Variants in CDH12 observed in about 807,000 individuals in gnomAD.
CDH12 encodes the protein cadherin 12, also known as cadherin-12.
CDH12 carries 41 observed loss-of-function variants against 74.1 expected under a neutral mutation model. That is an observed-to-expected ratio of 0.55 (90% CI 0.43 to 0.72). The LOEUF (loss-of-function observed/expected upper bound fraction) is 0.72. CDH12 is among the 30% of genes least tolerant of loss of function. CDH12 has a pLI of 0.00. For missense variants in CDH12, 945 were observed against 977.2 expected (o/e 0.97, Z 0.44); for synonymous variants, 399 against 355.0 (o/e 1.12, Z -1.39).
chr5:22,145,351 G>A (rs1440554950), intron 4 of CDH12, among the ~76,000 whole-genome samples: 1 of 151,994 alleles, frequency 6.6e-6, no homozygotes, highest in African/African-American at 2.4e-5. Context: ...TTTTTATGAG[G>A]CCTTTGTTCT....
chr5:21,869,617 A>G (rs930212492), intron 6 of CDH12, among the ~76,000 whole-genome samples: 1 of 151,950 alleles, frequency 6.6e-6, no homozygotes, highest in Non-Finnish European at 1.5e-5. Flanking sequence ...TTTATATCAT[A>G]GCATTTAAGT....
At chr5:21,765,483 A>G (rs1302819569) in intron 11 of CDH12, among the ~76,000 whole-genome samples, 3 of 151,860 alleles carry the variant, frequency 2.0e-5, no homozygotes, top group African/African-American at 7.3e-5. Context: ...TACATATTTA[A>G]ATGACTCACT....
chr5:22,716,927 A>AT (rs1310862512), intron 1 of CDH12, among the ~76,000 whole-genome samples: 1 of 152,204 alleles, frequency 6.6e-6, no homozygotes, highest in Non-Finnish European at 1.5e-5. Context: ...TAATAAGGAT[A>AT]TAAAGGATAT....
intron 3 of CDH12, among the ~76,000 whole-genome samples, chr5:22,381,055 G>A (rs993122180): frequency 5.9e-5 from 9 of 152,028 alleles, no homozygotes; most frequent in African/African-American, 1.4e-4. Context: ...AACAAATTAC[G>A]ACAATGTTTG....
intron 3 of CDH12, among the ~76,000 whole-genome samples, chr5:22,214,572 T>C (rs957551723): frequency 1.3e-5 from 2 of 152,212 alleles, no homozygotes; most frequent in Non-Finnish European, 2.9e-5. Context: ...TAATGTGTAG[T>C]TGGTCATGCA....
At chr5:22,557,856 T>TA (rs1476548934) in intron 1 of CDH12, among the ~76,000 whole-genome samples, 1 of 152,124 alleles carries the variant, frequency 6.6e-6, no homozygotes, top group Non-Finnish European at 1.5e-5. Flanking sequence ...TCAGGAAACA[T>TA]AGACTTACTT....
At chr5:22,675,150 C>A (rs1304659866) in intron 1 of CDH12, among the ~76,000 whole-genome samples, 1 of 152,088 alleles carries the variant, frequency 6.6e-6, no homozygotes, top group Non-Finnish European at 1.5e-5. Flanking sequence ...GTCACAGGCC[C>A]AGAAGTTTAG....
At chr5:22,537,529 C>G (rs569275060) in intron 1 of CDH12, among the ~76,000 whole-genome samples, 23 of 152,226 alleles carry the variant, frequency 1.5e-4, no homozygotes, top group African/African-American at 5.5e-4. Context: ...CATCTCCAAC[C>G]AGAAACATTC....
chr5:22,293,054 C>A (rs1441570187), intron 3 of CDH12, among the ~76,000 whole-genome samples: 1 of 152,012 alleles, frequency 6.6e-6, no homozygotes, highest in Non-Finnish European at 1.5e-5. Context: ...CACATCCATT[C>A]CCAATCTGTA....
intron 4 of CDH12, among the ~76,000 whole-genome samples, chr5:22,117,479 T>C (rs9717105): frequency 3.6e-5 from 2 of 55,056 alleles, no homozygotes; most frequent in East Asian, 1.3e-3. Flanking sequence ...ATATATATAT[T>C]ATATATATAT....
intron 1 of CDH12, among the ~76,000 whole-genome samples, chr5:22,818,467 A>G (rs2126467732): frequency 6.6e-6 from 1 of 152,056 alleles, no homozygotes; most frequent in East Asian, 1.9e-4. Flanking sequence ...CAGTGTGCTT[A>G]TTTTCCCTAG....
intron 4 of CDH12, among the ~76,000 whole-genome samples, chr5:22,099,086 A>G (rs148510188): frequency 0.015 from 2,257 of 152,226 alleles, 51 homozygotes; most frequent in African/African-American, 0.051. Context: ...AACATGCCCC[A>G]AGTCAGAAAA....
intron 3 of CDH12, among the ~76,000 whole-genome samples, chr5:22,261,437 A>G (rs1753507868): frequency 6.6e-6 from 1 of 152,006 alleles, no homozygotes; most frequent in Admixed American, 6.6e-5. Context: ...TTCCTTAACA[A>G]AAGCATGACC....
intron 6 of CDH12, among the ~76,000 whole-genome samples, chr5:21,859,474 C>T (rs1334495480): frequency 6.6e-6 from 1 of 151,924 alleles, no homozygotes; most frequent in Non-Finnish European, 1.5e-5. Flanking sequence ...AATCAGTTCT[C>T]CAGAAGGCTG....
intron 1 of CDH12, among the ~76,000 whole-genome samples, chr5:22,599,877 T>C (rs1241812597): frequency 6.6e-6 from 1 of 152,200 alleles, no homozygotes; most frequent in African/African-American, 2.4e-5. Flanking sequence ...CATCCTTTGC[T>C]CAAAGAAGAA....
intron 3 of CDH12, among the ~76,000 whole-genome samples, chr5:22,347,340 C>T (rs529130966): frequency 3.3e-5 from 5 of 152,152 alleles, no homozygotes; most frequent in Admixed American, 6.6e-5. Context: ...CTGGCTAAGT[C>T]TCTGGCTTTC....
intron 1 of CDH12, among the ~76,000 whole-genome samples, chr5:22,809,246 C>T (rs1302404336): frequency 2.0e-5 from 3 of 151,878 alleles, no homozygotes; most frequent in Non-Finnish European, 4.4e-5. Context: ...TTGTCAGTTG[C>T]TATTTTGAGA....
At chr5:21,837,468 G>GTT (rs11321099) in intron 8 of CDH12, among the ~76,000 whole-genome samples, 31 of 139,108 alleles carry the variant, frequency 2.2e-4, no homozygotes, top group Admixed American at 3.6e-4. Context: ...CTGGAGAAAG[G>GTT]TTTTTTTTTT....
At chr5:22,649,306 G>A (rs1739606065) in intron 1 of CDH12, among the ~76,000 whole-genome samples, 2 of 152,014 alleles carry the variant, frequency 1.3e-5, no homozygotes, top group Admixed American at 6.6e-5. Flanking sequence ...TGTGAACTGT[G>A]TGAGCTAATG....
Sources: gnomAD v4.1 joint callset for allele counts (sites outside exome capture counted in the v4.1 genomes callset) on GRCh38, gnomAD v4.1.1 for gene constraint, MANE v1.5 for transcripts, NCBI Gene and HGNC (gene_info 2026-07-23, HGNC 2026-07-21) for gene names.